Variants in DNM3 observed in about 807,000 individuals in gnomAD.
DNM3 encodes dynamin-3.
A neutral mutation model predicts 101.6 loss-of-function variants in DNM3; 47 were observed. That is an observed-to-expected ratio of 0.46 (90% CI 0.37 to 0.59). DNM3 has a LOEUF of 0.59. DNM3 is among the 20% of genes least tolerant of loss of function. The probability of loss-of-function intolerance (pLI) is 0.00; values close to 1 mark genes in which losing one functional copy is unlikely to be tolerated. For missense variants in DNM3, 849 were observed against 1,085.7 expected (o/e 0.78, Z 3.06); for synonymous variants, 385 against 387.9 (o/e 0.99, Z 0.09).
At chr1:172,048,948 A>G (rs1435925259) in intron 10 of DNM3, among the ~76,000 whole-genome samples, 198 bp downstream of exon 10, 2 of 152,168 alleles carry the variant, frequency 1.3e-5, no homozygotes, top group Non-Finnish European at 2.9e-5. Context: ...CATTCCTAAT[A>G]CGGTGGTTTA....
At chr1:172,177,311 G>A (rs1483675681) in intron 14 of DNM3, among the ~76,000 whole-genome samples, 1 of 151,546 alleles carries the variant, frequency 6.6e-6, no homozygotes, top group Non-Finnish European at 1.5e-5. Context: ...ATAGTATATT[G>A]TTATTATTGT....
chr1:172,332,724 C>T (rs940346566), intron 17 of DNM3, among the ~76,000 whole-genome samples: 1 of 152,176 alleles, frequency 6.6e-6, no homozygotes, highest in Non-Finnish European at 1.5e-5. Context: ...GCTATTAATG[C>T]TTCACACTGA....
chr1:172,347,683 G>C (rs1463927864), intron 17 of DNM3, among the ~76,000 whole-genome samples: 2 of 152,184 alleles, frequency 1.3e-5, no homozygotes, highest in African/African-American at 2.4e-5. Context: ...CACAGATTGT[G>C]TTAGATGAGT....
At chr1:172,186,386 T>C (rs1231752576) in intron 14 of DNM3, among the ~76,000 whole-genome samples, 1 of 151,724 alleles carries the variant, frequency 6.6e-6, no homozygotes, top group Non-Finnish European at 1.5e-5. Context: ...GTTGCTGTTT[T>C]TTTTTTTAAC....
chr1:171,865,170 C>T (rs1361213224), intron 1 of DNM3, among the ~76,000 whole-genome samples: 1 of 152,008 alleles, frequency 6.6e-6, no homozygotes, highest in Non-Finnish European at 1.5e-5. Flanking sequence ...TTTTCTATAA[C>T]TATTTATGGA....
At chr1:171,968,549 T>C (rs893980163) in intron 2 of DNM3, among the ~76,000 whole-genome samples, 2 of 152,198 alleles carry the variant, frequency 1.3e-5, no homozygotes, top group Non-Finnish European at 2.9e-5. Flanking sequence ...CTGGCTTGTT[T>C]GGAAATTTGG....
At chr1:171,912,343 G>A (rs143206106) in intron 1 of DNM3, among the ~76,000 whole-genome samples, 34 of 152,136 alleles carry the variant, frequency 2.2e-4, no homozygotes, top group African/African-American at 7.5e-4. Context: ...AACATTTAAT[G>A]GGGAAAAATA....
In DNM3 at chr1:172,231,466, A is replaced by C. The variant is rs1040753357; in HGVS notation, c.1660-22107A>C. On this transcript the variant is annotated intron_variant, in intron 14 of 20. Transcript: ENST00000627582. ...TGTACATCACCATCATCAAAGACCA[A>C]AGGTAGATAAAACCATAAAGATGGG... Among the ~76,000 whole-genome samples the C allele has an allele frequency of 4.9e-4, 74 of 152,142 alleles. 2 individuals carry two copies. The highest frequency in any genetic ancestry group is 1.7e-3 in the African/African-American group (71 of 41,444).
intron 14 of DNM3, among the ~76,000 whole-genome samples, chr1:172,169,913 C>G (rs1239336645): frequency 6.6e-6 from 1 of 151,748 alleles, no homozygotes; most frequent in African/African-American, 2.4e-5. Context: ...GTTTTAACAT[C>G]AAGGAACCAA....
At chr1:171,967,512 G>T (rs980794410) in intron 2 of DNM3, among the ~76,000 whole-genome samples, 1 of 152,080 alleles carries the variant, frequency 6.6e-6, no homozygotes, top group Non-Finnish European at 1.5e-5. Flanking sequence ...AAGAAGAAGA[G>T]GGGGAGAGAT....
At chr1:172,250,813 G>A (rs949549867) in intron 14 of DNM3, among the ~76,000 whole-genome samples, 1 of 152,094 alleles carries the variant, frequency 6.6e-6, no homozygotes, top group Admixed American at 6.6e-5. Flanking sequence ...GGATGGATGA[G>A]AGGAAGGAAA....
chr1:172,375,798 C>T (rs116061114), intron 17 of DNM3, among the ~76,000 whole-genome samples: 71 of 148,952 alleles, frequency 4.8e-4, no homozygotes, highest in African/African-American at 1.8e-3. Flanking sequence ...CGCTTAAAGC[C>T]AGGAATTTGA....
intron 2 of DNM3, among the ~76,000 whole-genome samples, chr1:171,979,309 TA>T (rs1010399463): frequency 1.3e-5 from 2 of 152,158 alleles, no homozygotes; most frequent in Non-Finnish European, 1.5e-5. Context: ...TTATCTTTTA[TA>T]AAAAAATTTT....
intron 17 of DNM3, among the ~76,000 whole-genome samples, chr1:172,333,163 G>A (rs539868055): frequency 2.5e-4 from 38 of 152,294 alleles, no homozygotes; most frequent in Admixed American, 7.2e-4. Flanking sequence ...AAATGGGTTT[G>A]AAGAATTAGG....
chr1:172,141,850 T>G (rs1038559637), intron 14 of DNM3, among the ~76,000 whole-genome samples: 2 of 152,096 alleles, frequency 1.3e-5, no homozygotes, highest in Non-Finnish European at 2.9e-5. Context: ...TTTCTTTGAT[T>G]TTGAGATCTG....
chr1:172,306,676 A>G (rs1418578782), intron 15 of DNM3, among the ~76,000 whole-genome samples: 1 of 152,220 alleles, frequency 6.6e-6, no homozygotes, highest in African/African-American at 2.4e-5. Flanking sequence ...TGGTACCAAA[A>G]CAGAGATATA....
At chr1:172,142,893 G>C (rs1300005205) in intron 14 of DNM3, among the ~76,000 whole-genome samples, 1 of 151,550 alleles carries the variant, frequency 6.6e-6, no homozygotes, top group African/African-American at 2.4e-5. Context: ...TTATGTAAAA[G>C]AAACTATATA....
At chr1:172,091,073 C>A (rs756780849) in intron 12 of DNM3, among the ~76,000 whole-genome samples, 1 of 152,156 alleles carries the variant, frequency 6.6e-6, no homozygotes, top group Non-Finnish European at 1.5e-5. Context: ...AGTGATGAAA[C>A]GTGTGGGCTC....
intron 14 of DNM3, among the ~76,000 whole-genome samples, chr1:172,165,804 C>T (rs1164925090): frequency 6.6e-6 from 1 of 152,042 alleles, no homozygotes; most frequent in East Asian, 1.9e-4. Flanking sequence ...TATGTCTCAT[C>T]TCTCCACTAG....
Sources: gnomAD v4.1 joint callset for allele counts (sites outside exome capture counted in the v4.1 genomes callset) on GRCh38, gnomAD v4.1.1 for gene constraint, MANE v1.5 for transcripts, NCBI Gene and HGNC (gene_info 2026-07-23, HGNC 2026-07-21) for gene names.